The following DOCK3 variants were observed in gnomAD, a reference collection of about 807,000 sequenced individuals.
The protein encoded by DOCK3 is dedicator of cytokinesis protein 3.
Under a neutral mutation model 265.6 loss-of-function variants are expected in DOCK3, and 60 were observed. That is an observed-to-expected ratio of 0.23 (90% confidence interval 0.18 to 0.28). DOCK3 has a LOEUF of 0.28. Ranked by LOEUF, DOCK3 falls within the 10% of genes least tolerant of loss-of-function variation. The pLI is 1.00. For missense variants in DOCK3, 1,981 were observed against 2,594.3 expected (o/e 0.76, Z 5.14); for synonymous variants, 881 against 938.0 (o/e 0.94, Z 1.11).
At chr3:51,026,024 A>G (rs539251716) in intron 5 of DOCK3, among the ~76,000 whole-genome samples, 4 of 152,018 alleles carry the variant, frequency 2.6e-5, no homozygotes, top group East Asian at 3.9e-4. Flanking sequence ...TGATTTTTCT[A>G]TTAAGTTCCT....
chr3:51,033,400 C>T (rs946031372), intron 5 of DOCK3, among the ~76,000 whole-genome samples: 5 of 152,300 alleles, frequency 3.3e-5, no homozygotes, highest in Middle Eastern at 3.4e-3. Flanking sequence ...TCCCCTTTTG[C>T]TTTGACTGGC....
chr3:50,816,853 G>A (rs2044107233), intron 2 of DOCK3, among the ~76,000 whole-genome samples: 1 of 152,016 alleles, frequency 6.6e-6, no homozygotes, highest in Admixed American at 6.6e-5. Context: ...CCAGGCTGGA[G>A]TGCAGTGGCG....
intron 5 of DOCK3, among the ~76,000 whole-genome samples, chr3:51,053,323 ATCT>A (rs1156386206): frequency 6.6e-6 from 1 of 151,004 alleles, no homozygotes; most frequent in Non-Finnish European, 1.5e-5. Flanking sequence ...CAGTTCAGTG[ATCT>A]TCTTATTATA....
At chr3:51,062,359 C>T (rs756785225) in intron 5 of DOCK3, among the ~76,000 whole-genome samples, 1 of 152,150 alleles carries the variant, frequency 6.6e-6, no homozygotes, top group South Asian at 2.1e-4. Context: ...CCTGAACATG[C>T]CATGTTTACT....
intron 12 of DOCK3, among the ~76,000 whole-genome samples, chr3:51,192,305 CA>C (rs1027881201): frequency 1.3e-5 from 2 of 150,108 alleles, no homozygotes; most frequent in Non-Finnish European, 3.0e-5. Context: ...CTGCTTGTTC[CA>C]AAAAAAATTG....
Position 51,090,243 on chromosome 3 carries a change from G to T in DOCK3, c.605G>T (p.Arg202Leu). ...CTTCCTCATTAGGTAGATACAATGCGCCCACGTCATGGGGAAACATGTCGG... is the reference window on the plus strand; with the variant it reads ...CTTCCTCATTAGGTAGATACAATGCTCCCACGTCATGGGGAAACATGTCGG... ...QQSTSQVDTM[R>L]PRHGETCRMP... is the part of the protein sequence containing the mutation. Residue 202 changes from arginine to leucine, a missense_variant, in exon 9 of 53, where the codon CGC (arginine) becomes CTC (leucine). By Grantham distance (102) the Arg-to-Leu change is moderately radical. Coordinates refer to ENST00000266037, the MANE Select transcript of DOCK3 (RefSeq NM_004947.5). 6.3e-7 allele frequency: 1 copy of T among 1,588,806 alleles called. No individual in the cohort carries two copies. The highest frequency in any genetic ancestry group is 8.6e-7 in the Non-Finnish European group (1 of 1,167,152).
At chr3:51,017,556 G>C (rs528763016) in intron 5 of DOCK3, among the ~76,000 whole-genome samples, 1 of 151,698 alleles carries the variant, frequency 6.6e-6, no homozygotes, top group Admixed American at 6.6e-5. Context: ...GGCATGTTGT[G>C]TTTCTGTTGT....
chr3:51,047,513 CAGGT>C lies in DOCK3; in HGVS notation c.316-16932_316-16929del, dbSNP rs201488839. Among the ~76,000 whole-genome samples the C allele has an allele frequency of 3.5e-3, 538 of 151,628 alleles. 3 individuals are homozygous for C. The highest frequency in any genetic ancestry group is 0.011 in the African/African-American group (465 of 41,422). Reference sequence around the variant, plus strand: ...TGAAAAGAAAAATAAAATCAACAAACAGGTAGACTAAGAAAAGAGAGAGAAGACT... The same window carrying C: ...TGAAAAGAAAAATAAAATCAACAAACAGACTAAGAAAAGAGAGAGAAGACT... On this transcript the variant is annotated intron_variant, in intron 5 of 52. Coordinates refer to ENST00000266037, the MANE Select transcript of DOCK3 (RefSeq NM_004947.5).
At position 50,971,369 on chromosome 3, in the gene DOCK3, A is replaced by G. The variant is rs887892867; in HGVS notation, c.315+37292A>G. ...AGTTTTTCCCCTTGAAGATGTGACT[A>G]TAATGTATGTTGTATAGGGTCATTA... On this transcript the variant is annotated intron_variant, in intron 5 of 52. Transcript: ENST00000266037. 3.3e-5 allele frequency among the ~76,000 whole-genome samples: 5 copies of G among 152,188 alleles called. No homozygotes were observed. The South Asian group carries it at 1.0e-3, about 32-fold the overall frequency.
chr3:51,277,312 C>T (rs765593701), intron 25 of DOCK3, among the ~76,000 whole-genome samples: 5 of 152,202 alleles, frequency 3.3e-5, no homozygotes, highest in Non-Finnish European at 5.9e-5. Flanking sequence ...AACTCAAGAT[C>T]TTTGCTTCTG....
intron 27 of DOCK3, among the ~76,000 whole-genome samples, chr3:51,306,832 G>C (rs1473908901): frequency 6.6e-6 from 1 of 152,056 alleles, no homozygotes; most frequent in African/African-American, 2.4e-5. Flanking sequence ...AATTCTTTAA[G>C]TGTGATTTCC....
At chr3:51,227,470 C>T (rs1464875402) in intron 16 of DOCK3, 25 bp downstream of exon 16, 3 of 1,613,190 alleles carry the variant, frequency 1.9e-6, no homozygotes, top group Non-Finnish European at 2.5e-6. Flanking sequence ...CCCCCCTCCA[C>T]ATTCCCTTGA....
chr3:51,227,422 G>A lies in DOCK3; in HGVS notation c.1517G>A (p.Arg506His). 1 of 1,613,696 alleles carries A rather than the reference G, an allele frequency of 6.2e-7. No individual in the cohort carries two copies. Among genetic ancestry groups the A allele is most frequent in the Non-Finnish European group, 8.5e-7 (1 of 1,179,728 alleles). Residue 506 changes from arginine to histidine, a missense_variant, in exon 16 of 53, where the codon CGC becomes CAC. Physicochemically the swap from Arg to His is conservative, Grantham distance 29. This residue lies in a region of DOCK3 where 1,357 missense variants were observed against 1,866.8 expected (regional missense o/e 0.73). Coordinates refer to ENST00000266037, the MANE Select transcript of DOCK3 (RefSeq NM_004947.5). ...GACCGGTTCCGGGGCTCCCACCTGC[G>A]CTTTGAGTTCAGACATTGTTCCAGT... ...PIDRFRGSHL[R>H]FEFRHCSTKD...
In DOCK3 at chr3:51,091,606, C is replaced by T. The variant is rs1419588966; in HGVS notation, c.746+1222C>T. On this transcript the variant is annotated intron_variant, in intron 9 of 52. Transcript: ENST00000266037. ...GCTGAGGCAGGAAAATCGCTTCAAC[C>T]TGGGAGGCGGAGGTTGCACTGAGCC... is the stretch of plus-strand genomic sequence containing the variant. Among the ~76,000 whole-genome samples, 8 of 147,556 alleles carry T rather than the reference C, an allele frequency of 5.4e-5. No homozygotes were observed. The Admixed American group carries it at 5.5e-4, about 10-fold the overall frequency.
In DOCK3 at chr3:51,381,442, G is replaced by A; in HGVS notation, c.5976G>A (p.Leu1992=). The part of the protein sequence containing the change: ...LPALEHDEGV[L]LREETERPRG... The stretch of plus-strand genomic sequence containing the variant: ...CCCTGGAGCACGATGAGGGGGTGCT[G>A]CTGCGTGAAGAGACTGAGAGGCCTC... Residue 1992 remains leucine (L), a synonymous_variant, in exon 53 of 53, where the codon CTG becomes CTA. Transcript: ENST00000266037. This position sits in a 1 kb window ranked among gnomAD's most constrained non-coding sequence, Gnocchi z 5.6. 1 of 1,608,632 alleles carries A rather than the reference G, an allele frequency of 6.2e-7. No homozygotes were observed. Among genetic ancestry groups the A allele is most frequent in the Non-Finnish European group, 8.5e-7 (1 of 1,178,058 alleles).
chr3:51,232,337 C>T (rs2078159637), intron 19 of DOCK3, among the ~76,000 whole-genome samples: 2 of 152,156 alleles, frequency 1.3e-5, no homozygotes, highest in Admixed American at 6.5e-5. Context: ...CATAAATATG[C>T]ATGTGCGTGT....
intron 2 of DOCK3, among the ~76,000 whole-genome samples, chr3:50,818,152 G>T (rs531220372): frequency 1.3e-5 from 2 of 152,296 alleles, no homozygotes; most frequent in African/African-American, 4.8e-5. Flanking sequence ...TTTCAGATTG[G>T]TGGTGGACAC....
chr3:51,240,424 A>C (rs1241066244), intron 21 of DOCK3, among the ~76,000 whole-genome samples: 1 of 152,106 alleles, frequency 6.6e-6, no homozygotes, highest in Non-Finnish European at 1.5e-5. Flanking sequence ...TTTTGAGTGG[A>C]GTGTTCTGTA....
intron 3 of DOCK3, among the ~76,000 whole-genome samples, chr3:50,885,403 C>T (rs1366152909): frequency 1.4e-5 from 2 of 142,060 alleles, no homozygotes; most frequent in African/African-American, 5.2e-5. Context: ...ATCTTTTCAA[C>T]TCATTTGGGT....
Sources: gnomAD v4.1 joint callset for allele counts (sites outside exome capture counted in the v4.1 genomes callset) on GRCh38, gnomAD v4.1.1 for gene constraint, gnomAD v4.1.1 regional missense constraint, Gnocchi (gnomAD v3.1) non-coding constraint, MANE v1.5 for transcripts, NCBI Gene and HGNC (gene_info 2026-07-23, HGNC 2026-07-21) for gene names.